The following EIF2AK2 variants were observed in gnomAD, a reference collection of about 807,000 sequenced individuals.
EIF2AK2 encodes eukaryotic translation initiation factor 2 alpha kinase 2.
Under a neutral mutation model 70.5 loss-of-function variants are expected in EIF2AK2, and 40 were observed. The ratio of observed to expected loss-of-function variants is 0.57; its 90% CI spans 0.44 to 0.74. The LOEUF (loss-of-function observed/expected upper bound fraction) is 0.74, where lower values mean the gene tolerates loss of function less well. EIF2AK2 is among the 30% of genes least tolerant of loss of function. The pLI is 0.00. For synonymous variants in EIF2AK2, 198 were observed against 220.9 expected, an observed-to-expected ratio of 0.90 and a Z score of 0.92; for missense variants, 555 against 644.3, an observed-to-expected ratio of 0.86 and a Z score of 1.50.
At chr2:37,144,085 C>T (rs1675437028) in intron 4 of EIF2AK2, among the ~76,000 whole-genome samples, 1 of 152,168 alleles carries the variant, frequency 6.6e-6, no homozygotes. Flanking sequence ...CTAATGAGGT[C>T]ATAGCCACTG....
In EIF2AK2 at chr2:37,138,571, C is replaced by G; in HGVS notation, c.531G>C (p.Leu177=). 3.1e-6 allele frequency: 5 copies of G among 1,614,074 alleles called. No individual in the cohort carries two copies. The highest frequency in any genetic ancestry group is 4.2e-6 in the Non-Finnish European group (5 of 1,179,970). The change falls in exon 7 of 17, where the codon CTG becomes CTC. Residue 177 remains leucine (L), a synonymous_variant. Transcript: ENST00000233057. ...SEETSVKSDY[L]SSGSFATTCE... is the part of the protein sequence containing the mutation. The stretch of plus-strand genomic sequence containing the variant: ...ACGTAGTAGCAAAAGAACCAGAGGA[C>G]AGGTAGTCAGATTTCTGAAAGAAAA...
chr2:37,126,158 A>C, intron 11 of EIF2AK2, 131 bp downstream of exon 11: 1 of 1,242,304 alleles, frequency 8.0e-7, no homozygotes, highest in Non-Finnish European at 1.1e-6. Context: ...TCCTCTTGGT[A>C]GAATGAAATG....
intron 14 of EIF2AK2, among the ~76,000 whole-genome samples, chr2:37,111,699 C>CA (rs1367920805): frequency 4.4e-5 from 6 of 135,682 alleles, no homozygotes; most frequent in Admixed American, 1.6e-4. Flanking sequence ...ACAAAAAATA[C>CA]AAAAAAAAAT....
Position 37,126,357 on chromosome 2 carries a change from T to C in EIF2AK2, c.840A>G (p.Gln280=), listed in dbSNP as rs990904552. 6.2e-7 allele frequency: 1 copy of C among 1,612,968 alleles called. No individual in the cohort carries two copies. The highest frequency in any genetic ancestry group is 8.5e-7 in the Non-Finnish European group (1 of 1,179,608). Reference sequence around the variant, plus strand: ...CAATTCTGTGTTTTGCTTTGAAAACTTGGCCAAATCCACCTGAGCCAATTA... The same window carrying C: ...CAATTCTGTGTTTTGCTTTGAAAACCTGGCCAAATCCACCTGAGCCAATTA... ...IELIGSGGFG[Q]VFKAKHRIDG... The change falls in exon 11 of 17, where the codon CAA becomes CAG. Residue 280 remains glutamine (Q), a synonymous_variant. Coordinates refer to ENST00000233057, the MANE Select transcript of EIF2AK2 (RefSeq NM_001135651.3).
chr2:37,124,081 C>T (rs781707931), intron 11 of EIF2AK2, among the ~76,000 whole-genome samples: 1 of 151,744 alleles, frequency 6.6e-6, no homozygotes, highest in Non-Finnish European at 1.5e-5. Context: ...GATCCTCCTA[C>T]CTCAGCCTCC....
intron 4 of EIF2AK2, among the ~76,000 whole-genome samples, chr2:37,146,402 A>G (rs1675540299): frequency 6.6e-6 from 1 of 152,264 alleles, no homozygotes; most frequent in Admixed American, 6.5e-5. Context: ...GGACTTGAGC[A>G]TCAGTGAATT....
intron 1 of EIF2AK2, among the ~76,000 whole-genome samples, chr2:37,149,659 C>G (rs1675675764): frequency 1.3e-5 from 2 of 152,110 alleles, no homozygotes; most frequent in African/African-American, 2.4e-5. Flanking sequence ...GTTGTTTAAA[C>G]CTAGGTTAAA....
intron 11 of EIF2AK2, 124 bp from the exon 12 acceptor site, chr2:37,122,788 T>A: frequency 7.8e-7 from 1 of 1,281,212 alleles, no homozygotes; most frequent in Non-Finnish European, 1.1e-6. Flanking sequence ...GGTTCTCACA[T>A]AGTTTTAGAA....
rs1675582825 is a variant in EIF2AK2 at position 37,147,320 on chromosome 2, TTTA to T, written c.120-350_120-348del. 2.0e-5 allele frequency among the ~76,000 whole-genome samples: 3 copies of T among 152,014 alleles called. No individual in the cohort carries two copies. In the South Asian group the frequency reaches 6.2e-4, roughly 32 times the overall value. ...ATATCTTTTTTCTTTTTTTTTTAAT[TTTA>T]TTATTATTATACTTTAAGTTTTAGG... is the stretch of plus-strand genomic sequence containing the variant. On this transcript the variant is annotated intron_variant, in intron 3 of 16. Coordinates refer to ENST00000233057, the MANE Select transcript of EIF2AK2 (RefSeq NM_001135651.3).
chr2:37,140,750 T>G (rs185599244), intron 5 of EIF2AK2, among the ~76,000 whole-genome samples: 1 of 152,246 alleles, frequency 6.6e-6, no homozygotes, highest in Non-Finnish European at 1.5e-5. Flanking sequence ...TTCATTCCAA[T>G]GAATACTATA....
intron 12 of EIF2AK2, 64 bp from the exon 13 acceptor site, chr2:37,120,203 A>T: frequency 9.2e-7 from 1 of 1,082,262 alleles, no homozygotes; most frequent in Non-Finnish European, 1.2e-6. Context: ...AAAATTTTTT[A>T]TAACTTTTTA....
rs557348115 is a variant in EIF2AK2 at position 37,100,477 on chromosome 2, A to T, written c.*6796T>A. ...CCATAAGAGCCACACAGATTTGAGA[A>T]GCATTTTATTTGCCTCACAGTTTTG... is the stretch of plus-strand genomic sequence containing the variant. On this transcript the variant is annotated 3_prime_UTR_variant, in exon 17 of 17. Coordinates refer to ENST00000233057, the MANE Select transcript of EIF2AK2 (RefSeq NM_001135651.3). 4 of 152,236 alleles carry T rather than the reference A, an allele frequency of 2.6e-5. No individual in the cohort carries two copies. Among genetic ancestry groups the T allele is most frequent in the Non-Finnish European group, 4.4e-5 (3 of 68,034 alleles). 9.4% of individuals were successfully genotyped at this position (152,236 alleles called of 1,614,324 possible).
chr2:37,113,242 T>C (rs1674219436), intron 14 of EIF2AK2, among the ~76,000 whole-genome samples: 1 of 152,096 alleles, frequency 6.6e-6, no homozygotes, highest in African/African-American at 2.4e-5. Flanking sequence ...ACGTCTGTAA[T>C]CCCAGCACTT....
At chr2:37,143,862 G>A (rs1403163639) in intron 4 of EIF2AK2, among the ~76,000 whole-genome samples, 1 of 152,008 alleles carries the variant, frequency 6.6e-6, no homozygotes, top group East Asian at 1.9e-4. Flanking sequence ...TCCAGCCTGG[G>A]TGACAGAGTA....
At chr2:37,147,401 T>C (rs1252511996) in intron 3 of EIF2AK2, among the ~76,000 whole-genome samples, 2 of 151,770 alleles carry the variant, frequency 1.3e-5, no homozygotes, top group Non-Finnish European at 2.9e-5. Context: ...CATGTTGGTG[T>C]GCTGCACCCA....
At chr2:37,141,330 A>C (rs193161086) in intron 5 of EIF2AK2, among the ~76,000 whole-genome samples, 125 of 152,328 alleles carry the variant, frequency 8.2e-4, no homozygotes, top group Non-Finnish European at 9.3e-4. Context: ...CTCTGAAATA[A>C]AGGATTACCC....
At chr2:37,135,236 C>T (rs1021220876) in intron 10 of EIF2AK2, among the ~76,000 whole-genome samples, 1 of 152,124 alleles carries the variant, frequency 6.6e-6, no homozygotes, top group African/African-American at 2.4e-5. Flanking sequence ...AAAGAAAGGG[C>T]TAAAAAGCTA....
intron 2 of EIF2AK2, chr2:37,148,476 C>G: frequency 2.0e-6 from 1 of 509,304 alleles, no homozygotes; most frequent in Non-Finnish European, 3.7e-6. Context: ...GTGATCAGCC[C>G]GTGACCTAGA....
At chr2:37,141,846 A>C in intron 4 of EIF2AK2, 145 bp from the exon 5 acceptor site, 1 of 864,158 alleles carries the variant, frequency 1.2e-6, no homozygotes, top group Non-Finnish European at 1.7e-6. Context: ...TACCTTGAGC[A>C]AAAGTGTGAC....
Sources: allele counts gnomAD v4.1 joint callset (sites outside exome capture counted in the v4.1 genomes callset), GRCh38; gene constraint gnomAD v4.1.1; transcripts MANE v1.5; gene names NCBI Gene and HGNC (gene_info 2026-07-23, HGNC 2026-07-21).